Variants in PDE12 observed in about 807,000 individuals in gnomAD.
The protein encoded by PDE12 is phosphodiesterase 12.
PDE12 carries 26 observed loss-of-function variants against 45.4 expected under a neutral mutation model. That is an observed-to-expected ratio of 0.57 (90% CI 0.42 to 0.79). PDE12 has a LOEUF of 0.79. Ranked by LOEUF, PDE12 falls within the 30% of genes least tolerant of loss-of-function variation. The probability of loss-of-function intolerance (pLI) is 0.00; values close to 1 mark genes in which losing one functional copy is unlikely to be tolerated. For synonymous variants in PDE12, 283 were observed against 323.9 expected (o/e 0.87, Z 1.36); for missense variants, 668 against 790.0 (o/e 0.85, Z 1.85).
At chr3:57,603,333 A>T in the PDE12 span, among the ~76,000 whole-genome samples, 2 of 151,796 alleles carry the variant, frequency 1.3e-5, no homozygotes, top group Non-Finnish European at 1.5e-5. Flanking sequence ...TTTCATGTTT[A>T]TTTTTTATTT....
the PDE12 span, among the ~76,000 whole-genome samples, chr3:57,573,650 G>A: frequency 2.0e-5 from 3 of 152,002 alleles, no homozygotes; most frequent in African/African-American, 7.3e-5. Flanking sequence ...GCGTGATCTC[G>A]GCTCACTACA....
At chr3:57,618,312 G>A in the PDE12 span, among the ~76,000 whole-genome samples, 10 of 152,134 alleles carry the variant, frequency 6.6e-5, no homozygotes, top group Non-Finnish European at 1.3e-4. Context: ...GATAAATGAG[G>A]TTAATAACAG....
In PDE12 at chr3:57,557,692, A is replaced by G. The variant is rs1388940461; in HGVS notation, c.1308+5A>G. 2 of 1,611,394 alleles carry G rather than the reference A, an allele frequency of 1.2e-6. No individual in the cohort carries two copies. The highest frequency in any genetic ancestry group is 3.3e-5 in the Admixed American group (2 of 59,896). On this transcript the variant is annotated splice_donor_5th_base_variant and intron_variant, in intron 1 of 2. Coordinates refer to ENST00000311180, the MANE Select transcript of PDE12 (RefSeq NM_177966.7). ...CAGAGATCTTCTGTTCTTCAGGTAAAGTAGTTCCGCCCGTCTCTTCACATA... is the reference window on the plus strand; with the variant it reads ...CAGAGATCTTCTGTTCTTCAGGTAAGGTAGTTCCGCCCGTCTCTTCACATA...
At chr3:57,620,158 G>A in the PDE12 span, among the ~76,000 whole-genome samples, 1 of 152,104 alleles carries the variant, frequency 6.6e-6, no homozygotes, top group Non-Finnish European at 1.5e-5. Context: ...GGAGATGGAG[G>A]TTGCAGTGAG....
chr3:57,562,629 C>T lies in PDE12; in HGVS notation c.*2625C>T, dbSNP rs1559778840. 1 of 152,200 alleles carries T rather than the reference C, an allele frequency of 6.6e-6. No individual in the cohort carries two copies. Among genetic ancestry groups the T allele is most frequent in the East Asian group, 1.9e-4 (1 of 5,192 alleles). The allele number at this position is 152,200 out of a possible 1,614,324, so 9.4% of individuals were successfully genotyped here. A position where few individuals can be genotyped will look rare whatever the true frequency, so the allele number is the denominator to read the frequency against. ...TCTAGCGACTTTCTATGGTAAACCACATTTTATAATGTCACAAGTTCTTGC... is the reference window on the plus strand; with the variant it reads ...TCTAGCGACTTTCTATGGTAAACCATATTTTATAATGTCACAAGTTCTTGC... On this transcript the variant is annotated 3_prime_UTR_variant, in exon 3 of 3. Coordinates refer to ENST00000311180, the MANE Select transcript of PDE12 (RefSeq NM_177966.7).
the PDE12 span, among the ~76,000 whole-genome samples, chr3:57,617,466 C>T: frequency 2.6e-5 from 4 of 152,024 alleles, no homozygotes; most frequent in African/African-American, 7.2e-5. Context: ...GGTATATACC[C>T]AAAGGAAAAT....
chr3:57,596,980 A>T, the PDE12 span: 4 of 1,374,058 alleles, frequency 2.9e-6, no homozygotes, highest in South Asian at 5.0e-5. Flanking sequence ...CCCCCACCAC[A>T]GCGGGCGGAG....
chr3:57,604,627 G>GT, the PDE12 span, among the ~76,000 whole-genome samples: 1 of 40,472 alleles, frequency 2.5e-5, no homozygotes, highest in Non-Finnish European at 4.8e-5. Flanking sequence ...TGGGGGGGGT[G>GT]GGTGGGACAG....
the PDE12 span, among the ~76,000 whole-genome samples, chr3:57,613,685 G>C: frequency 6.6e-6 from 1 of 151,738 alleles, no homozygotes; most frequent in Non-Finnish European, 1.5e-5. Context: ...CGGATCACGA[G>C]GTCAGGAGAT....
the PDE12 span, among the ~76,000 whole-genome samples, chr3:57,629,664 A>C: frequency 2.8e-3 from 414 of 149,990 alleles, 1 homozygote; most frequent in African/African-American, 9.7e-3. Flanking sequence ...GGCGCCTGCC[A>C]CCACGCCCGG....
At chr3:57,574,925 C>T in the PDE12 span, among the ~76,000 whole-genome samples, 5 of 151,522 alleles carry the variant, frequency 3.3e-5, no homozygotes, top group East Asian at 2.0e-4. Flanking sequence ...CGCGACTCAC[C>T]GCAACCTCCA....
the PDE12 span, among the ~76,000 whole-genome samples, chr3:57,619,975 G>A: frequency 2.0e-5 from 3 of 152,208 alleles, no homozygotes; most frequent in African/African-American, 7.2e-5. Flanking sequence ...TGTAATCCCA[G>A]CACTTTGGGA....
the PDE12 span, chr3:57,577,208 C>T: frequency 1.1e-6 from 1 of 880,432 alleles, no homozygotes; most frequent in Non-Finnish European, 1.8e-6. Flanking sequence ...TTCTAGCCCC[C>T]CCAATCCATT....
the PDE12 span, chr3:57,641,762 A>G: frequency 6.3e-7 from 1 of 1,591,224 alleles, no homozygotes; most frequent in Non-Finnish European, 8.6e-7. Context: ...AAAAAACAAA[A>G]CAAAACAAAA....
the PDE12 span, among the ~76,000 whole-genome samples, chr3:57,620,095 G>A: frequency 8.1e-4 from 123 of 152,076 alleles, no homozygotes; most frequent in African/African-American, 2.4e-3. Flanking sequence ...AGTGGCGGGC[G>A]CCTGTAATCC....
the PDE12 span, among the ~76,000 whole-genome samples, chr3:57,605,170 C>T: frequency 6.6e-6 from 1 of 152,100 alleles, no homozygotes. Context: ...GTCCAAGTTG[C>T]AGCACAGAAA....
At chr3:57,649,321 C>T in the PDE12 span, among the ~76,000 whole-genome samples, 3 of 152,028 alleles carry the variant, frequency 2.0e-5, no homozygotes, top group Non-Finnish European at 2.9e-5. Flanking sequence ...CTCACTCCTG[C>T]AAGAATAGCC....
At chr3:57,571,737 T>G (rs1238564334), downstream of PDE12, 1 of 158,728 alleles carries the variant, frequency 6.3e-6, no homozygotes, top group East Asian at 1.8e-4. Flanking sequence ...CTGAGTAGTG[T>G]TTTGGATCTT....
the PDE12 span, among the ~76,000 whole-genome samples, chr3:57,584,995 C>G: frequency 6.6e-6 from 1 of 152,038 alleles, no homozygotes; most frequent in Non-Finnish European, 1.5e-5. Flanking sequence ...TCCCAAGTAG[C>G]TGGGACTACA....
Sources: allele counts gnomAD v4.1 joint callset (sites outside exome capture counted in the v4.1 genomes callset), GRCh38; gene constraint gnomAD v4.1.1; transcripts MANE v1.5; gene names NCBI Gene and HGNC (gene_info 2026-07-23, HGNC 2026-07-21).